Variants in SNX13 observed in about 807,000 individuals in gnomAD.
SNX13 encodes the protein sorting nexin 13.
A neutral mutation model predicts 133.6 loss-of-function variants in SNX13; 45 were observed. That is an observed-to-expected ratio of 0.34 (90% confidence interval 0.27 to 0.43). SNX13 has a LOEUF of 0.43. Among genes scored for constraint, SNX13 ranks in the 20% least tolerant of loss-of-function variants. SNX13 has a pLI of 1.00. For synonymous variants in SNX13, 414 were observed against 373.9 expected (o/e 1.11, Z -1.24); for missense variants, 1,032 against 1,145.1 (o/e 0.90, Z 1.43).
At chr7:17,922,048 C>T (rs908847261) in intron 1 of SNX13, among the ~76,000 whole-genome samples, 3 of 152,234 alleles carry the variant, frequency 2.0e-5, no homozygotes, top group African/African-American at 7.2e-5. Flanking sequence ...TCTGTACTCA[C>T]TTTCCTATCT....
chr7:17,918,921 T>G (rs1052785845), intron 1 of SNX13, among the ~76,000 whole-genome samples: 2 of 152,130 alleles, frequency 1.3e-5, no homozygotes, highest in African/African-American at 4.8e-5. Context: ...CAAAAGAGAA[T>G]GAAATCATGT....
intron 20 of SNX13, among the ~76,000 whole-genome samples, chr7:17,810,258 T>C (rs569854021): frequency 1.3e-5 from 2 of 151,618 alleles, no homozygotes; most frequent in Non-Finnish European, 2.9e-5. Flanking sequence ...AAGAATCAAA[T>C]AGACACAATA....
intron 5 of SNX13, chr7:17,879,865 C>A (rs1358068471): frequency 6.6e-6 from 1 of 152,196 alleles, no homozygotes; most frequent in Non-Finnish European, 1.5e-5. Flanking sequence ...TTCAGCAAGT[C>A]ACATCATTTC....
chr7:17,890,433 T>C lies in SNX13; in HGVS notation c.370A>G (p.Ser124Gly). Reference sequence around the variant, plus strand: ...TCAAGAAGAAAAGATTCATCATCGCTTAGTGTATAATACCAATACTGGACA... The same window carrying C: ...TCAAGAAGAAAAGATTCATCATCGCCTAGTGTATAATACCAATACTGGACA... ...DYVQYWYYTL[S>G]DDESFLLEIR... The change falls in exon 5 of 26, where the codon AGC (serine) becomes GGC (glycine). Residue 124 changes from serine to glycine, a missense_variant. By Grantham distance (56) the Ser-to-Gly change is moderately conservative. Transcript: ENST00000428135. 1 of 1,610,248 alleles carries C rather than the reference T, an allele frequency of 6.2e-7. No individual in the cohort carries two copies. Among genetic ancestry groups the C allele is most frequent in the Non-Finnish European group, 8.5e-7 (1 of 1,177,170 alleles).
intron 1 of SNX13, among the ~76,000 whole-genome samples, chr7:17,903,805 A>G (rs1798106280): frequency 6.6e-6 from 1 of 152,232 alleles, no homozygotes; most frequent in Non-Finnish European, 1.5e-5. Flanking sequence ...AATATTAATC[A>G]GCTTAATATG....
intron 9 of SNX13, among the ~76,000 whole-genome samples, chr7:17,866,846 C>A (rs1224547345): frequency 6.6e-6 from 1 of 152,120 alleles, no homozygotes; most frequent in African/African-American, 2.4e-5. Context: ...TCAAAATAAC[C>A]ATAGGAGTGG....
At position 17,856,785 on chromosome 7, in the gene SNX13, T is replaced by TA. The variant is rs200753998; in HGVS notation, c.838-5822dup. 8.0e-3 allele frequency among the ~76,000 whole-genome samples: 778 copies of TA among 97,430 alleles called. 6 individuals carry two copies. The highest frequency in any genetic ancestry group is 9.4e-3 in the Non-Finnish European group (453 of 48,224). The allele number at this position is 97,430 out of a possible 152,430, so 63.9% of individuals were successfully genotyped here. On this transcript the variant is annotated intron_variant, in intron 9 of 25. Coordinates refer to ENST00000428135, the MANE Select transcript of SNX13 (RefSeq NM_015132.5). ...CCTAGCTGACAGAGTGAGACTCTCT[T>TA]AAAAAAAAAAAAAAAAAAGAAAGAA...
intron 11 of SNX13, among the ~76,000 whole-genome samples, chr7:17,846,217 T>A (rs1014607900): frequency 6.6e-6 from 1 of 150,942 alleles, no homozygotes; most frequent in Non-Finnish European, 1.5e-5. Flanking sequence ...CTTTTCAAAG[T>A]CACAGAGCAA....
chr7:17,794,103 A>G lies in SNX13; in HGVS notation c.2816T>C (p.Met939Thr). ...FNKLHSRSKQ[M>T]QKYKQKLQTT... ...TTGAAGTTTCTGTTTATATTTCTGC[A>G]TCTGCTTTGACCGTGAATGCAGTTT... Residue 939 changes from methionine (M) to threonine (T), a missense_variant, in exon 26 of 26, where the codon ATG becomes ACG. Coordinates refer to ENST00000428135, the MANE Select transcript of SNX13 (RefSeq NM_015132.5). The G allele has an allele frequency of 1.9e-6, 3 of 1,611,682 alleles. No homozygotes were observed. The highest frequency in any genetic ancestry group is 2.5e-6 in the Non-Finnish European group (3 of 1,178,386).
At chr7:17,914,268 G>T (rs1003779695) in intron 1 of SNX13, among the ~76,000 whole-genome samples, 1 of 151,874 alleles carries the variant, frequency 6.6e-6, no homozygotes, top group Non-Finnish European at 1.5e-5. Flanking sequence ...TGCCTTATTG[G>T]CATTCTTGAA....
At chr7:17,832,366 C>CT (rs1788599366) in intron 15 of SNX13, 1 of 984,446 alleles carries the variant, frequency 1.0e-6, no homozygotes, top group Non-Finnish European at 1.2e-6. Context: ...TCAAAAATTA[C>CT]TTCCACAGAA....
rs892270727 is a variant in SNX13, at chr7:17,794,297, A to G, written c.2627-5T>C. 3 of 1,604,910 alleles carry G rather than the reference A, an allele frequency of 1.9e-6. No homozygotes were observed. The highest frequency in any genetic ancestry group is 2.6e-6 in the Non-Finnish European group (3 of 1,175,716). ...CAATAATGTGCTTCAGCTCATCTAA[A>G]TGAAGTGGAGGAAAACACACATAAT... On this transcript the variant is annotated splice_polypyrimidine_tract_variant and splice_region_variant and intron_variant, in intron 25 of 25. Transcript: ENST00000428135.
intron 9 of SNX13, among the ~76,000 whole-genome samples, chr7:17,862,821 C>T (rs570372331): frequency 1.3e-5 from 2 of 152,174 alleles, no homozygotes; most frequent in African/African-American, 4.8e-5. Flanking sequence ...CAGCGATCAT[C>T]CTCCCCACAG....
chr7:17,855,730 C>T (rs1004177590), intron 9 of SNX13, among the ~76,000 whole-genome samples: 1 of 152,196 alleles, frequency 6.6e-6, no homozygotes, highest in African/African-American at 2.4e-5. Context: ...CACACCTGGT[C>T]GCCCCAGAGC....
chr7:17,869,427 G>T (rs976951150), intron 8 of SNX13, among the ~76,000 whole-genome samples: 1 of 151,962 alleles, frequency 6.6e-6, no homozygotes, highest in African/African-American at 2.4e-5. Flanking sequence ...TAAATACAAT[G>T]ATTTCACCTG....
intron 1 of SNX13, among the ~76,000 whole-genome samples, chr7:17,936,859 G>C (rs1347649405): frequency 6.6e-6 from 1 of 151,162 alleles, no homozygotes; most frequent in Non-Finnish European, 1.5e-5. Flanking sequence ...AGAAGGGATA[G>C]AGGGAGAGTG....
intron 5 of SNX13, chr7:17,881,804 G>A (rs962495286): frequency 3.9e-5 from 6 of 151,918 alleles, no homozygotes; most frequent in African/African-American, 1.2e-4. Context: ...CTTTGTTAAC[G>A]GTGTCAAAAA....
At chr7:17,891,503 G>C (rs759935082) in intron 4 of SNX13, 43 bp downstream of exon 4, 8 of 1,426,984 alleles carry the variant, frequency 5.6e-6, no homozygotes. Flanking sequence ...AATATACCTA[G>C]AACACAATAT....
rs189261004 is a variant in SNX13 at position 17,895,308 on chromosome 7, C to T, written c.126-1874G>A. Among the ~76,000 whole-genome samples the T allele has an allele frequency of 1.5e-4, 23 of 152,228 alleles. No individual in the cohort carries two copies. The East Asian group carries it at 4.0e-3, about 27-fold the overall frequency. On this transcript the variant is annotated intron_variant, in intron 2 of 25. Transcript: ENST00000428135. ...TAATTATATAACCCAACAAATACAA[C>T]AGAATGCCACAAAATAACCATAATG...
Sources: allele counts gnomAD v4.1 joint callset (sites outside exome capture counted in the v4.1 genomes callset), GRCh38; gene constraint gnomAD v4.1.1; transcripts MANE v1.5; gene names NCBI Gene and HGNC (gene_info 2026-07-23, HGNC 2026-07-21).